Variants in ROBO2 observed in about 807,000 individuals in gnomAD.
ROBO2 encodes roundabout homolog 2.
ROBO2 carries 53 observed loss-of-function variants against 160.8 expected under a neutral mutation model. That is an observed-to-expected ratio of 0.33 (90% confidence interval 0.26 to 0.41). The LOEUF is 0.41. Among genes scored for constraint, ROBO2 ranks in the 10% least tolerant of loss-of-function variants. ROBO2 has a pLI of 1.00. For synonymous variants in ROBO2, 664 were observed against 611.7 expected (o/e 1.09, Z -1.26); for missense variants, 1,577 against 1,722.4 (o/e 0.92, Z 1.49).
At chr3:76,283,587 A>C (rs1184520936) in intron 2 of ROBO2, among the ~76,000 whole-genome samples, 1 of 152,002 alleles carries the variant, frequency 6.6e-6, no homozygotes, top group East Asian at 1.9e-4. Context: ...AGCTTTTAAA[A>C]GAGTGAATTT....
intron 2 of ROBO2, among the ~76,000 whole-genome samples, chr3:77,020,226 G>A (rs1009372558): frequency 6.6e-6 from 1 of 152,070 alleles, no homozygotes; most frequent in African/African-American, 2.4e-5. Flanking sequence ...TGATTTTACA[G>A]TTAAATGTAA....
chr3:76,468,544 T>A (rs904490583), intron 2 of ROBO2, among the ~76,000 whole-genome samples: 2 of 152,122 alleles, frequency 1.3e-5, no homozygotes, highest in African/African-American at 2.4e-5. Flanking sequence ...CACTTTTTAA[T>A]GTCTGACTCA....
At chr3:76,235,279 GC>G in intron 2 of ROBO2, among the ~76,000 whole-genome samples, 1 of 152,104 alleles carries the variant, frequency 6.6e-6, no homozygotes, top group Non-Finnish European at 1.5e-5. Flanking sequence ...CATGAGCACC[GC>G]CCCACCGCCC....
At chr3:76,452,993 A>G (rs1173330790) in intron 2 of ROBO2, among the ~76,000 whole-genome samples, 7 of 152,074 alleles carry the variant, frequency 4.6e-5, no homozygotes, top group African/African-American at 1.2e-4. Flanking sequence ...GTGTCTGTTC[A>G]TGTCCTTTGC....
chr3:76,217,469 G>T (rs1015162837), intron 2 of ROBO2, among the ~76,000 whole-genome samples: 1 of 152,118 alleles, frequency 6.6e-6, no homozygotes, highest in African/African-American at 2.4e-5. Flanking sequence ...AATAAAAAAT[G>T]ACAAAGGTGA....
chr3:75,962,558 A>G (rs375289540), intron 2 of ROBO2, among the ~76,000 whole-genome samples: 7 of 151,894 alleles, frequency 4.6e-5, no homozygotes, highest in East Asian at 3.9e-4. Flanking sequence ...TATATCTGTT[A>G]TTTCAAGTTA....
chr3:76,844,023 G>C (rs1174285237), intron 2 of ROBO2, among the ~76,000 whole-genome samples: 1 of 151,876 alleles, frequency 6.6e-6, no homozygotes, highest in Non-Finnish European at 1.5e-5. Flanking sequence ...AATGTGTTTA[G>C]GTTATTTTAG....
chr3:76,657,116 A>AT (rs1416751608), intron 2 of ROBO2, among the ~76,000 whole-genome samples: 1 of 147,720 alleles, frequency 6.8e-6, no homozygotes, highest in African/African-American at 2.5e-5. Context: ...TTTCTTTTTG[A>AT]TTTTTTTCAA....
intron 2 of ROBO2, among the ~76,000 whole-genome samples, chr3:77,422,674 C>T (rs2077817570): frequency 1.3e-5 from 2 of 152,106 alleles, no homozygotes; most frequent in South Asian, 2.1e-4. Context: ...ATTTATTTGA[C>T]CTCCCCTGGT....
intron 2 of ROBO2, among the ~76,000 whole-genome samples, chr3:77,442,307 G>A (rs2080023283): frequency 6.6e-6 from 1 of 151,212 alleles, no homozygotes; most frequent in South Asian, 2.1e-4. Flanking sequence ...GCGAGACTCC[G>A]GCTCAAAAAA....
chr3:77,624,201 A>G (rs574079271), intron 23 of ROBO2, among the ~76,000 whole-genome samples: 29 of 152,186 alleles, frequency 1.9e-4, no homozygotes, highest in Non-Finnish European at 4.3e-4. Context: ...TGTGTTCTAC[A>G]CAAAAGTAGC....
At chr3:76,755,207 C>T (rs2060899627) in intron 2 of ROBO2, among the ~76,000 whole-genome samples, 1 of 151,660 alleles carries the variant, frequency 6.6e-6, no homozygotes, top group African/African-American at 2.4e-5. Flanking sequence ...TTTTGGTGTC[C>T]AGTGTATATT....
At chr3:77,317,395 T>C (rs1007707978) in intron 2 of ROBO2, 1 of 1,181,216 alleles carries the variant, frequency 8.5e-7, no homozygotes, top group South Asian at 1.3e-5. Flanking sequence ...CATTTCTCCG[T>C]AGACCTCGAG....
chr3:76,417,194 G>C (rs966985597), intron 2 of ROBO2, among the ~76,000 whole-genome samples: 2 of 152,168 alleles, frequency 1.3e-5, no homozygotes, highest in African/African-American at 4.8e-5. Flanking sequence ...CATGCTATAA[G>C]ATATTGCCAT....
chr3:76,196,953 GATGGCTTTCCGTTTA>G (rs1280326324), intron 2 of ROBO2, among the ~76,000 whole-genome samples: 2 of 152,176 alleles, frequency 1.3e-5, no homozygotes, highest in African/African-American at 4.8e-5. Flanking sequence ...ATGCTTAAGT[GATGGCTTTCCGTTTA>G]ATGATTACAT....
chr3:76,520,348 G>A (rs965214422), intron 2 of ROBO2, among the ~76,000 whole-genome samples: 3 of 152,194 alleles, frequency 2.0e-5, no homozygotes, highest in African/African-American at 7.2e-5. Context: ...TTACTTGGGA[G>A]GCTGAGGCAG....
intron 2 of ROBO2, among the ~76,000 whole-genome samples, chr3:77,416,634 T>C (rs2077246433): frequency 6.7e-6 from 1 of 149,192 alleles, no homozygotes; most frequent in African/African-American, 2.5e-5. Flanking sequence ...GGAGAATCAC[T>C]TGAAACCAGG....
At chr3:76,654,159 C>T (rs189889394) in intron 2 of ROBO2, among the ~76,000 whole-genome samples, 105 of 152,154 alleles carry the variant, frequency 6.9e-4, no homozygotes, top group Middle Eastern at 3.4e-3. Context: ...GAACCCTTTG[C>T]GTTATGTGTG....
chr3:75,997,458 A>G (rs1034553221), intron 2 of ROBO2, among the ~76,000 whole-genome samples: 2 of 151,502 alleles, frequency 1.3e-5, no homozygotes, highest in Admixed American at 1.3e-4. Flanking sequence ...TGAAGTCTTA[A>G]GTCTGAATGG....
Sources: gnomAD v4.1 joint callset for allele counts (sites outside exome capture counted in the v4.1 genomes callset) on GRCh38, gnomAD v4.1.1 for gene constraint, MANE v1.5 for transcripts, NCBI Gene and HGNC (gene_info 2026-07-23, HGNC 2026-07-21) for gene names.